Variants in SPICE1 observed in about 807,000 individuals in gnomAD.
The protein encoded by SPICE1 is spindle and centriole associated protein 1, also known as spindle and centriole-associated protein 1.
In SPICE1, 75 loss-of-function variants were observed where a neutral mutation model predicts 102.7. The observed-to-expected ratio is 0.73, with a 90% CI of 0.61 to 0.88. The LOEUF is 0.88. Among genes scored for constraint, SPICE1 ranks in the 40% least tolerant of loss-of-function variants. The probability of loss-of-function intolerance (pLI) is 0.00; values close to 1 mark genes in which losing one functional copy is unlikely to be tolerated. For synonymous variants in SPICE1, 308 were observed against 350.3 expected (o/e 0.88, Z 1.35); for missense variants, 979 against 1,020.1 (o/e 0.96, Z 0.55).
chr3:113,499,910 A>G (rs555769822), intron 3 of SPICE1, among the ~76,000 whole-genome samples: 11 of 152,328 alleles, frequency 7.2e-5, no homozygotes, highest in African/African-American at 2.6e-4. Flanking sequence ...GATAAAATCA[A>G]TTCATGGGTC....
At chr3:113,456,922 T>C (rs1426471369) in intron 13 of SPICE1, among the ~76,000 whole-genome samples, 1 of 152,226 alleles carries the variant, frequency 6.6e-6, no homozygotes, top group Non-Finnish European at 1.5e-5. Flanking sequence ...ACTTACAATG[T>C]TTAATAAAAT....
rs148020339 is a variant in SPICE1 at position 113,506,485 on chromosome 3, T to C, written c.99+22A>G. 1,119 of 1,568,194 alleles carry C rather than the reference T, an allele frequency of 7.1e-4. 5 individuals carry two copies. The African/African-American group carries it at 0.013, about 18-fold the overall frequency. The stretch of plus-strand genomic sequence containing the variant: ...TTTCTCCAGAGTAATGTTACATTAT[T>C]TACTATCCCACCTATACTCACATCC... On this transcript the variant is annotated intron_variant, in intron 2 of 17. Coordinates refer to ENST00000295872, the MANE Select transcript of SPICE1 (RefSeq NM_144718.4).
intron 7 of SPICE1, among the ~76,000 whole-genome samples, chr3:113,475,837 G>A (rs946214709): frequency 1.3e-5 from 2 of 152,130 alleles, no homozygotes; most frequent in African/African-American, 4.8e-5. Flanking sequence ...CATATTGAAT[G>A]GGCAAAAACT....
At chr3:113,483,359 A>G (rs1313676450) in intron 7 of SPICE1, among the ~76,000 whole-genome samples, 1 of 152,210 alleles carries the variant, frequency 6.6e-6, no homozygotes, top group Admixed American at 6.5e-5. Context: ...AAACAGAGAC[A>G]GTTTGACTTC....
chr3:113,477,769 C>G (rs1250975110), intron 7 of SPICE1, among the ~76,000 whole-genome samples: 1 of 129,126 alleles, frequency 7.7e-6, no homozygotes, highest in Non-Finnish European at 1.5e-5. Context: ...GGGAACATCA[C>G]ACTCTGGGAA....
chr3:113,479,189 T>C (rs1174971168), intron 7 of SPICE1, among the ~76,000 whole-genome samples: 1 of 144,878 alleles, frequency 6.9e-6, no homozygotes, highest in Non-Finnish European at 1.5e-5. Context: ...TGTGTTCTCA[T>C]TGTTCAATTC....
intron 1 of SPICE1, among the ~76,000 whole-genome samples, chr3:113,507,937 A>T (rs1937144073): frequency 6.6e-6 from 1 of 152,204 alleles, no homozygotes; most frequent in Non-Finnish European, 1.5e-5. Context: ...GTACCATTTA[A>T]AAAGATACAG....
chr3:113,480,787 G>A (rs1202055986), intron 7 of SPICE1, among the ~76,000 whole-genome samples: 1 of 151,820 alleles, frequency 6.6e-6, no homozygotes, highest in Non-Finnish European at 1.5e-5. Flanking sequence ...GCTGAGGGAG[G>A]CTGAGGTGAG....
chr3:113,504,981 G>T (rs1388123912), intron 2 of SPICE1, among the ~76,000 whole-genome samples: 6 of 152,180 alleles, frequency 3.9e-5, no homozygotes, highest in African/African-American at 1.4e-4. Context: ...AATTTCAAAT[G>T]ATAGATTTCA....
chr3:113,503,949 AAAAAG>A (rs1244027188), intron 2 of SPICE1, among the ~76,000 whole-genome samples: 1 of 151,758 alleles, frequency 6.6e-6, no homozygotes, highest in African/African-American at 2.4e-5. Context: ...AAAAAAAAAA[AAAAAG>A]AAAGTGTGAT....
At position 113,493,299 on chromosome 3, in the gene SPICE1, T is replaced by C. The variant is rs1455675203; in HGVS notation, c.399A>G (p.Val133=). The change falls in exon 6 of 18, where the codon GTA becomes GTG. Residue 133 remains valine, a synonymous_variant. Coordinates refer to ENST00000295872, the MANE Select transcript of SPICE1 (RefSeq NM_144718.4). ...FPRRRTGFPN[V]TVAPDSSQGP... The stretch of plus-strand genomic sequence containing the variant: ...CCTGAGAGGAATCAGGAGCCACTGT[T>C]ACATTTGGAAACCCTGCAAAAGGAA... 1.9e-6 allele frequency: 3 copies of C among 1,613,908 alleles called. No individual in the cohort carries two copies. The highest frequency in any genetic ancestry group is 2.5e-6 in the Non-Finnish European group (3 of 1,179,840).
At chr3:113,512,913 T>A (rs1357046168) in intron 1 of SPICE1, among the ~76,000 whole-genome samples, 4 of 152,166 alleles carry the variant, frequency 2.6e-5, no homozygotes, top group Non-Finnish European at 4.4e-5. Flanking sequence ...AGTAAACAAG[T>A]AAACTAAGTA....
intron 1 of SPICE1, among the ~76,000 whole-genome samples, chr3:113,512,686 C>T (rs1346257108): frequency 1.3e-5 from 2 of 152,054 alleles, no homozygotes; most frequent in African/African-American, 2.4e-5. Flanking sequence ...GGATTACAGG[C>T]GTGAGCCACC....
chr3:113,469,637 CT>C (rs1297166426), intron 7 of SPICE1, among the ~76,000 whole-genome samples: 1 of 151,156 alleles, frequency 6.6e-6, no homozygotes, highest in African/African-American at 2.4e-5. Context: ...TTTGAAGGAG[CT>C]TTTAGTAATT....
Position 113,446,655 on chromosome 3 carries a change from A to T in SPICE1, c.2448T>A (p.Asn816Lys), listed in dbSNP as rs893338133. 6.2e-7 allele frequency: 1 copy of T among 1,613,510 alleles called. No individual in the cohort carries two copies. Among genetic ancestry groups the T allele is most frequent in the African/African-American group, 1.3e-5 (1 of 74,914 alleles). Residue 816 changes from asparagine to lysine, a missense_variant, in exon 17 of 18, where the codon AAT (asparagine) becomes AAA (lysine). Asn to Lys is a moderately conservative substitution (Grantham distance 94). Coordinates refer to ENST00000295872, the MANE Select transcript of SPICE1 (RefSeq NM_144718.4). The part of the protein sequence containing the change: ...NTRRSSGATG[N>K]SCSPLNATSG... ...AGGTGGCATTTAGTGGAGAACAAGA[A>T]TTACCAGTAGCCCCGGAAGATCTAT... is the stretch of plus-strand genomic sequence containing the variant.
At chr3:113,488,711 AAGG>A (rs1428558494) in intron 7 of SPICE1, among the ~76,000 whole-genome samples, 2 of 152,206 alleles carry the variant, frequency 1.3e-5, no homozygotes, top group African/African-American at 4.8e-5. Context: ...CATACTCAGA[AAGG>A]AGATAAAATG....
intron 5 of SPICE1, 75 bp downstream of exon 5, chr3:113,493,974 A>T: frequency 1.0e-6 from 1 of 979,888 alleles, no homozygotes; most frequent in Non-Finnish European, 1.5e-6. Flanking sequence ...CTAAGAAAGG[A>T]CTTTAAATTC....
intron 4 of SPICE1, among the ~76,000 whole-genome samples, chr3:113,498,621 T>C (rs1213503829): frequency 6.6e-6 from 1 of 152,250 alleles, no homozygotes; most frequent in Non-Finnish European, 1.5e-5. Context: ...TTATTCTTCC[T>C]GATGATGTCT....
intron 2 of SPICE1, 36 bp downstream of exon 2, chr3:113,506,471 T>A (rs777567834): frequency 1.3e-6 from 2 of 1,501,976 alleles, no homozygotes; most frequent in South Asian, 2.3e-5. Context: ...TTCTCCAGAG[T>A]AATGTTACAT....
Sources: gnomAD v4.1 joint callset for allele counts (sites outside exome capture counted in the v4.1 genomes callset) on GRCh38, gnomAD v4.1.1 for gene constraint, MANE v1.5 for transcripts, NCBI Gene and HGNC (gene_info 2026-07-23, HGNC 2026-07-21) for gene names.